Variants in SLC10A7 observed in about 807,000 individuals in gnomAD.
SLC10A7 encodes sodium/bile acid cotransporter 7.
Under a neutral mutation model 43.2 loss-of-function variants are expected in SLC10A7, and 29 were observed. The ratio of observed to expected loss-of-function variants is 0.67; its 90% CI spans 0.50 to 0.92. The LOEUF is 0.92. Among genes scored for constraint, SLC10A7 ranks in the 40% least tolerant of loss-of-function variants. The probability of loss-of-function intolerance (pLI) is 0.00; values close to 1 mark genes in which losing one functional copy is unlikely to be tolerated. For synonymous variants in SLC10A7, 152 were observed against 144.8 expected (o/e 1.05, Z -0.35); for missense variants, 295 against 403.2 (o/e 0.73, Z 2.30).
intron 5 of SLC10A7, among the ~76,000 whole-genome samples, chr4:146,421,941 T>G (rs1728994142): frequency 6.6e-6 from 1 of 152,222 alleles, no homozygotes; most frequent in Non-Finnish European, 1.5e-5. Flanking sequence ...CTTAATTATA[T>G]TTTGTCTTGT....
In SLC10A7 at chr4:146,295,348, A is replaced by C. The variant is rs1304041675; in HGVS notation, c.556-1253T>G. 2.6e-5 allele frequency among the ~76,000 whole-genome samples: 4 copies of C among 152,304 alleles called. No homozygotes were observed. The East Asian group carries it at 7.7e-4, about 29-fold the overall frequency. ...GGAAAGTGTGTTAGATATTTTAAAA[A>C]ATTGTAATTAATTTTCTTTAAAAAA... On this transcript the variant is annotated intron_variant, in intron 7 of 11. Coordinates refer to ENST00000335472, the MANE Select transcript of SLC10A7 (RefSeq NM_001029998.6).
intron 5 of SLC10A7, among the ~76,000 whole-genome samples, chr4:146,374,384 T>C (rs938299188): frequency 6.6e-6 from 1 of 150,556 alleles, no homozygotes; most frequent in Non-Finnish European, 1.5e-5. Context: ...AGGCCAGGAG[T>C]TCAAGACTAG....
chr4:146,398,434 G>A (rs1738989587), intron 5 of SLC10A7, among the ~76,000 whole-genome samples: 1 of 152,114 alleles, frequency 6.6e-6, no homozygotes, highest in Non-Finnish European at 1.5e-5. Flanking sequence ...AGAAGTCAGA[G>A]AAGAAAAATT....
chr4:146,400,515 C>T (rs1032692444), intron 5 of SLC10A7, among the ~76,000 whole-genome samples: 1 of 152,064 alleles, frequency 6.6e-6, no homozygotes, highest in Admixed American at 6.6e-5. Flanking sequence ...AAAGCAGGAT[C>T]TCGAATTACT....
At chr4:146,317,843 A>G (rs953948942) in intron 6 of SLC10A7, among the ~76,000 whole-genome samples, 4 of 151,960 alleles carry the variant, frequency 2.6e-5, no homozygotes, top group Non-Finnish European at 2.9e-5. Flanking sequence ...GAGTTATACT[A>G]TTGGCTTCTC....
chr4:146,480,247 T>C (rs1734356478), intron 4 of SLC10A7, among the ~76,000 whole-genome samples: 1 of 152,144 alleles, frequency 6.6e-6, no homozygotes, highest in Admixed American at 6.5e-5. Flanking sequence ...TCACATTATT[T>C]TAAATTATAT....
chr4:146,280,334 T>G, intron 10 of SLC10A7, among the ~76,000 whole-genome samples: 1 of 152,162 alleles, frequency 6.6e-6, no homozygotes, highest in African/African-American at 2.4e-5. Context: ...TAACTGATAT[T>G]ACCTAAAATT....
intron 5 of SLC10A7, among the ~76,000 whole-genome samples, chr4:146,335,397 C>T (rs559807236): frequency 2.0e-5 from 3 of 151,768 alleles, no homozygotes; most frequent in South Asian, 2.1e-4. Context: ...CAGATGGGCT[C>T]GAATGGATGC....
At chr4:146,352,898 G>A (rs1735241904) in intron 5 of SLC10A7, among the ~76,000 whole-genome samples, 1 of 142,332 alleles carries the variant, frequency 7.0e-6, no homozygotes, top group African/African-American at 2.7e-5. Context: ...TGTATAGAGG[G>A]AAATTTATAG....
chr4:146,356,051 A>ATATATAT (rs1491190447), intron 5 of SLC10A7, among the ~76,000 whole-genome samples: 13 of 140,134 alleles, frequency 9.3e-5, no homozygotes, highest in East Asian at 4.2e-4. Context: ...AAAAAAAAAA[A>ATATATAT]ATATATATAT....
intron 5 of SLC10A7, among the ~76,000 whole-genome samples, chr4:146,415,314 G>T (rs1728487464): frequency 6.6e-6 from 1 of 152,158 alleles, no homozygotes; most frequent in South Asian, 2.1e-4. Flanking sequence ...TTACCAGCTG[G>T]ATAAGCTTGG....
intron 5 of SLC10A7, among the ~76,000 whole-genome samples, chr4:146,433,432 A>G (rs1034284629): frequency 1.3e-5 from 2 of 152,166 alleles, no homozygotes; most frequent in Non-Finnish European, 2.9e-5. Flanking sequence ...TGATCAATAA[A>G]CAGATACAAG....
At chr4:146,494,919 C>T (rs1232049772) in intron 4 of SLC10A7, among the ~76,000 whole-genome samples, 3 of 152,152 alleles carry the variant, frequency 2.0e-5, no homozygotes, top group Non-Finnish European at 4.4e-5. Flanking sequence ...AATCTAGGTA[C>T]GTTTCACAAG....
At chr4:146,420,243 A>G (rs922158122) in intron 5 of SLC10A7, among the ~76,000 whole-genome samples, 4 of 152,254 alleles carry the variant, frequency 2.6e-5, no homozygotes, top group Non-Finnish European at 5.9e-5. Flanking sequence ...ATCAAATGAA[A>G]TGTTTATTTA....
chr4:146,321,540 G>A (rs1471015002), intron 6 of SLC10A7, among the ~76,000 whole-genome samples: 1 of 152,088 alleles, frequency 6.6e-6, no homozygotes, highest in Non-Finnish European at 1.5e-5. Flanking sequence ...CCTTTTAGGG[G>A]AAACAATTCA....
chr4:146,365,234 A>G (rs1273591488), intron 5 of SLC10A7, among the ~76,000 whole-genome samples: 1 of 152,220 alleles, frequency 6.6e-6, no homozygotes, highest in African/African-American at 2.4e-5. Context: ...GGCACAAAGC[A>G]AAACACCACC....
At chr4:146,431,963 A>T (rs1390935034) in intron 5 of SLC10A7, among the ~76,000 whole-genome samples, 1 of 152,242 alleles carries the variant, frequency 6.6e-6, no homozygotes, top group African/African-American at 2.4e-5. Context: ...AACCTAATAA[A>T]TAAGATGGGC....
chr4:146,472,689 A>C (rs1733679851), intron 4 of SLC10A7, among the ~76,000 whole-genome samples: 1 of 152,192 alleles, frequency 6.6e-6, no homozygotes, highest in Non-Finnish European at 1.5e-5. Context: ...AACCTGTGGC[A>C]GCTAGAGCTA....
chr4:146,302,413 G>A lies in SLC10A7; in HGVS notation c.555+3513C>T, dbSNP rs138060519. 3.1e-4 allele frequency among the ~76,000 whole-genome samples: 47 copies of A among 152,256 alleles called. No homozygotes were observed. In the East Asian group the frequency reaches 8.9e-3, roughly 29 times the overall value. ...CTGGGAATGTAATGATAAACAAAACGAATATGGTTCCAGTACTCAAGAAGC... is the reference window on the plus strand; with the variant it reads ...CTGGGAATGTAATGATAAACAAAACAAATATGGTTCCAGTACTCAAGAAGC... On this transcript the variant is annotated intron_variant, in intron 7 of 11. Coordinates refer to ENST00000335472, the MANE Select transcript of SLC10A7 (RefSeq NM_001029998.6).
Sources: gnomAD v4.1 joint callset for allele counts (sites outside exome capture counted in the v4.1 genomes callset) on GRCh38, gnomAD v4.1.1 for gene constraint, MANE v1.5 for transcripts, NCBI Gene and HGNC (gene_info 2026-07-23, HGNC 2026-07-21) for gene names.